Variants in TRAPPC11 observed in about 807,000 individuals in gnomAD.
TRAPPC11 encodes the protein trafficking protein particle complex subunit 11.
A neutral mutation model predicts 151.2 loss-of-function variants in TRAPPC11; 104 were observed. That is an observed-to-expected ratio of 0.69 (90% confidence interval 0.59 to 0.81). The LOEUF (loss-of-function observed/expected upper bound fraction) is 0.81. Among genes scored for constraint, TRAPPC11 ranks in the 30% least tolerant of loss-of-function variants. The pLI, the probability that TRAPPC11 is intolerant of heterozygous loss-of-function variation, is 0.00. For synonymous variants in TRAPPC11, 456 were observed against 472.3 expected (o/e 0.97, Z 0.45); for missense variants, 1,230 against 1,349.6 (o/e 0.91, Z 1.39).
At chr4:183,683,118 T>TGCACTCCA (rs1735781299) in intron 11 of TRAPPC11, among the ~76,000 whole-genome samples, 2 of 149,544 alleles carry the variant, frequency 1.3e-5, no homozygotes, top group African/African-American at 4.9e-5. Context: ...GAACAGCCAC[T>TGCACTCCA]GCACTCCAGC....
chr4:183,692,960 A>G lies in TRAPPC11; in HGVS notation c.2050A>G (p.Ile684Val). 1.3e-6 allele frequency: 2 copies of G among 1,590,832 alleles called. No homozygotes were observed. The highest frequency in any genetic ancestry group is 1.4e-5 in the African/African-American group (1 of 73,546). Reference protein sequence around the residue: ...KTEDVGKKIEITSVDLALGNE... With the variant: ...KTEDVGKKIEVTSVDLALGNE... The stretch of plus-strand genomic sequence containing the variant: ...CCAACATCCTTTTTTTTCTTTTTAG[A>G]TTACTTCAGTGGATCTTGCTCTGGG... The change falls in exon 20 of 30, where the codon ATT (isoleucine) becomes GTT (valine). Residue 684 changes from isoleucine to valine, a missense_variant and splice_region_variant. By Grantham distance (29) the Ile-to-Val change is conservative (BLOSUM62 3). Coordinates refer to ENST00000334690, the MANE Select transcript of TRAPPC11 (RefSeq NM_021942.6).
chr4:183,702,897 CAG>C (rs1254461918), intron 26 of TRAPPC11, among the ~76,000 whole-genome samples: 3 of 152,020 alleles, frequency 2.0e-5, no homozygotes, highest in Non-Finnish European at 4.4e-5. Flanking sequence ...TTATACAACT[CAG>C]AGTAATGAGT....
At chr4:183,708,316 C>T in intron 28 of TRAPPC11, 91 bp from the exon 29 acceptor site, 1 of 1,351,000 alleles carries the variant, frequency 7.4e-7, no homozygotes, top group Non-Finnish European at 1.0e-6. Flanking sequence ...TTTGGTTATC[C>T]AATCTTTTGT....
At chr4:183,666,140 CA>C in intron 2 of TRAPPC11, 116 bp from the exon 3 acceptor site, 1 of 868,666 alleles carries the variant, frequency 1.2e-6, no homozygotes, top group African/African-American at 1.7e-5. Context: ...GTTTCCTAAT[CA>C]AAAATGGGAG....
intron 28 of TRAPPC11, among the ~76,000 whole-genome samples, chr4:183,708,088 C>T (rs946518605): frequency 2.0e-5 from 3 of 152,108 alleles, no homozygotes; most frequent in African/African-American, 7.2e-5. Context: ...TAAAAGCTAC[C>T]TGGGCTAAGG....
chr4:183,711,451 C>G (rs990386385), intron 29 of TRAPPC11, among the ~76,000 whole-genome samples: 1 of 152,048 alleles, frequency 6.6e-6, no homozygotes, highest in Non-Finnish European at 1.5e-5. Context: ...ATTTTTTGCT[C>G]TTGCTTGTAA....
At chr4:183,676,954 G>A (rs1274983970) in intron 7 of TRAPPC11, among the ~76,000 whole-genome samples, 1 of 151,556 alleles carries the variant, frequency 6.6e-6, no homozygotes, top group African/African-American at 2.4e-5. Context: ...TAGTAGAGAC[G>A]GGGTTTCACC....
At chr4:183,664,945 T>C (rs1282245818) in intron 2 of TRAPPC11, among the ~76,000 whole-genome samples, 1 of 152,094 alleles carries the variant, frequency 6.6e-6, no homozygotes, top group Non-Finnish European at 1.5e-5. Context: ...AATATAGGAC[T>C]TGGTCACCGG....
At chr4:183,674,267 A>C (rs1324774431) in intron 5 of TRAPPC11, among the ~76,000 whole-genome samples, 1 of 151,904 alleles carries the variant, frequency 6.6e-6, no homozygotes, top group African/African-American at 2.4e-5. Context: ...AAAATATAAA[A>C]ATTAGCTAGG....
At chr4:183,694,824 G>A in intron 23 of TRAPPC11, 101 bp downstream of exon 23, 2 of 1,175,856 alleles carry the variant, frequency 1.7e-6, no homozygotes, top group Non-Finnish European at 2.4e-6. Context: ...AAGCAGTTTA[G>A]GTGCTTATAG....
rs764817725 is a variant in TRAPPC11, at chr4:183,664,071, G to A, written c.204G>A (p.Lys68=). The change falls in exon 2 of 30, where the codon AAG becomes AAA. Residue 68 remains lysine, a splice_region_variant and synonymous_variant. Transcript: ENST00000334690. ...ATGAGTATCCCAAATGTAGACCCAA[G>A]GTAATGGCATTGTGATGGCATGTGT... ...GDHEYPKCRP[K]RTSYEWYIPK... The A allele has an allele frequency of 1.9e-6, 3 of 1,611,322 alleles. No individual in the cohort carries two copies. Among genetic ancestry groups the A allele is most frequent in the Non-Finnish European group, 2.5e-6 (3 of 1,179,076 alleles).
intron 2 of TRAPPC11, among the ~76,000 whole-genome samples, chr4:183,665,204 C>A (rs1200510629): frequency 6.8e-6 from 1 of 147,190 alleles, no homozygotes; most frequent in Non-Finnish European, 1.5e-5. Flanking sequence ...GTGCCATTCT[C>A]CTGCTTCAGC....
chr4:183,711,681 G>A (rs890908329), intron 29 of TRAPPC11, among the ~76,000 whole-genome samples: 29 of 101,052 alleles, frequency 2.9e-4, no homozygotes, highest in African/African-American at 8.3e-4. Context: ...CACAGCAGCA[G>A]CAAACTGAAA....
chr4:183,661,757 CTTTTTT>C (rs562308106), intron 1 of TRAPPC11, among the ~76,000 whole-genome samples: 241 of 100,130 alleles, frequency 2.4e-3, no homozygotes, highest in Non-Finnish European at 3.3e-3. Context: ...TTTGGAATAA[CTTTTTT>C]TTTTTTTTTT....
At chr4:183,706,458 G>T (rs1165191589) in intron 27 of TRAPPC11, among the ~76,000 whole-genome samples, 1 of 151,754 alleles carries the variant, frequency 6.6e-6, no homozygotes, top group Admixed American at 6.6e-5. Flanking sequence ...GGGAGGCGGA[G>T]CTTGCAGTGA....
intron 5 of TRAPPC11, among the ~76,000 whole-genome samples, chr4:183,671,834 T>C (rs1044242375): frequency 1.3e-5 from 2 of 152,250 alleles, no homozygotes; most frequent in Non-Finnish European, 1.5e-5. Context: ...GTGATCTTTA[T>C]ATGAATATTG....
chr4:183,663,000 C>A (rs1188680175), intron 1 of TRAPPC11, among the ~76,000 whole-genome samples: 1 of 152,080 alleles, frequency 6.6e-6, no homozygotes, highest in African/African-American at 2.4e-5. Flanking sequence ...TTCCCTTTTT[C>A]TCTCTTCTGT....
chr4:183,697,079 T>A (rs1352418551), intron 23 of TRAPPC11, among the ~76,000 whole-genome samples: 1 of 152,096 alleles, frequency 6.6e-6, no homozygotes, highest in Non-Finnish European at 1.5e-5. Flanking sequence ...GTACCAGCAC[T>A]TTGGGGTTCT....
intron 26 of TRAPPC11, among the ~76,000 whole-genome samples, chr4:183,702,675 T>C (rs1736859312): frequency 6.6e-6 from 1 of 152,110 alleles, no homozygotes; most frequent in African/African-American, 2.4e-5. Context: ...GTGGTTACCT[T>C]TGGGATGGGG....
Sources: gnomAD v4.1 joint callset for allele counts (sites outside exome capture counted in the v4.1 genomes callset) on GRCh38, gnomAD v4.1.1 for gene constraint, MANE v1.5 for transcripts, NCBI Gene and HGNC (gene_info 2026-07-23, HGNC 2026-07-21) for gene names.